Variants in CHD7 observed in about 807,000 individuals in gnomAD.
CHD7 encodes ATP-dependent chromatin remodeler CHD7.
In CHD7, 24 loss-of-function variants were observed where a neutral mutation model predicts 307.3. The ratio of observed to expected loss-of-function variants is 0.08; its 90% confidence interval spans 0.06 to 0.11. The LOEUF is 0.11. Ranked by LOEUF, CHD7 falls within the 10% of genes least tolerant of loss-of-function variation. CHD7 has a pLI of 1.00. For missense variants in CHD7, 3,106 were observed against 3,727.1 expected (o/e 0.83, Z 4.34); for synonymous variants, 1,363 against 1,349.9 (o/e 1.01, Z -0.21).
intron 1 of CHD7, among the ~76,000 whole-genome samples, chr8:60,688,075 G>A (rs142149602): frequency 1.3e-5 from 2 of 152,316 alleles, no homozygotes; most frequent in Non-Finnish European, 2.9e-5. Context: ...GGGGCCATAT[G>A]TCATGGGATG....
At chr8:60,748,033 G>A (rs1325151420) in intron 2 of CHD7, among the ~76,000 whole-genome samples, 1 of 152,136 alleles carries the variant, frequency 6.6e-6, no homozygotes, top group Non-Finnish European at 1.5e-5. Context: ...TTACATCCTT[G>A]GTTTTAGTGA....
At chr8:60,730,348 A>G (rs907642618) in intron 1 of CHD7, among the ~76,000 whole-genome samples, 2 of 152,210 alleles carry the variant, frequency 1.3e-5, no homozygotes, top group Non-Finnish European at 2.9e-5. Flanking sequence ...GTCTTTTATC[A>G]TATGCTAATA....
chr8:60,830,699 G>A, intron 15 of CHD7, 122 bp downstream of exon 15: 1 of 1,113,494 alleles, frequency 9.0e-7, no homozygotes, highest in South Asian at 1.6e-5. Flanking sequence ...CACTCAGCAT[G>A]GGTTTCACCA....
intron 2 of CHD7, among the ~76,000 whole-genome samples, chr8:60,777,022 C>T (rs1810985002): frequency 6.6e-6 from 1 of 152,146 alleles, no homozygotes; most frequent in Middle Eastern, 3.2e-3. Flanking sequence ...TTACTTGGGA[C>T]TTAATTGGCC....
At chr8:60,791,318 C>T (rs1286317776) in intron 3 of CHD7, among the ~76,000 whole-genome samples, 1 of 152,214 alleles carries the variant, frequency 6.6e-6, no homozygotes, top group Non-Finnish European at 1.5e-5. Flanking sequence ...AGTTATTCTT[C>T]CAACTCACAG....
chr8:60,746,300 A>G (rs914983707), intron 2 of CHD7, among the ~76,000 whole-genome samples: 11 of 152,280 alleles, frequency 7.2e-5, no homozygotes, highest in Admixed American at 2.0e-4. Flanking sequence ...TGAAATAACT[A>G]AATTTGATTT....
chr8:60,816,113 G>GTCTGTCTGTCTGTC (rs58405811), intron 7 of CHD7, among the ~76,000 whole-genome samples: 353 of 139,300 alleles, frequency 2.5e-3, no homozygotes, highest in African/African-American at 9.3e-3. Context: ...CTGTCTGTCT[G>GTCTGTCTGTCTGTC]TCTCTCTCTC....
At chr8:60,800,672 C>T (rs3890803) in intron 5 of CHD7, 147 bp downstream of exon 5, 11 of 730,286 alleles carry the variant, frequency 1.5e-5, no homozygotes, top group East Asian at 5.8e-5. Context: ...ATGGGAAATT[C>T]GTTGTTTAGC....
chr8:60,748,936 A>G (rs961861369), intron 2 of CHD7, among the ~76,000 whole-genome samples: 3 of 151,914 alleles, frequency 2.0e-5, no homozygotes, highest in African/African-American at 7.3e-5. Context: ...TTTTCCCTTG[A>G]GATTAAAAAA....
At chr8:60,845,524 A>C in intron 23 of CHD7, 115 bp downstream of exon 23, 3 of 1,160,400 alleles carry the variant, frequency 2.6e-6, no homozygotes, top group Non-Finnish European at 3.7e-6. Flanking sequence ...TGGAGGGTCA[A>C]CTGAGGGACC....
chr8:60,701,329 G>A (rs2150507707), intron 1 of CHD7, among the ~76,000 whole-genome samples: 1 of 152,346 alleles, frequency 6.6e-6, no homozygotes, highest in South Asian at 2.1e-4. Flanking sequence ...TTTGTGGAAA[G>A]TCTTATAATC....
At chr8:60,813,018 T>A (rs777792840) in intron 7 of CHD7, among the ~76,000 whole-genome samples, 16 of 152,324 alleles carry the variant, frequency 1.1e-4, no homozygotes, top group Middle Eastern at 3.4e-3. Flanking sequence ...AAATGTATGA[T>A]GTTGAGTTAC....
intron 3 of CHD7, among the ~76,000 whole-genome samples, chr8:60,790,346 C>T (rs1179822657): frequency 6.6e-6 from 1 of 152,068 alleles, no homozygotes; most frequent in Non-Finnish European, 1.5e-5. Context: ...GGAGGGATGG[C>T]CTGCTTTTTG....
Position 60,800,500 on chromosome 8 carries a change from C to T in CHD7, c.2351C>T (p.Ser784Phe), listed in dbSNP as rs1385417835. The change falls in exon 5 of 38, where the codon TCC becomes TTC. Residue 784 changes from serine (S) to phenylalanine (F), a missense_variant. Transcript: ENST00000423902. ...GATGCTGCTGGGAGGGATTCCCCCT[C>T]CAACACCTCCCAGTCAGAACAGCAG... is the stretch of plus-strand genomic sequence containing the variant. ...DADAAGRDSPSNTSQSEQQES... is the reference protein window; with the variant it reads ...DADAAGRDSPFNTSQSEQQES... 1 of 1,613,718 alleles carries T rather than the reference C, an allele frequency of 6.2e-7. No homozygotes were observed. The highest frequency in any genetic ancestry group is 1.7e-5 in the Admixed American group (1 of 60,016).
At chr8:60,697,766 GA>G (rs1806556768) in intron 1 of CHD7, among the ~76,000 whole-genome samples, 1 of 152,222 alleles carries the variant, frequency 6.6e-6, no homozygotes, top group Admixed American at 6.5e-5. Context: ...GAATGCATCT[GA>G]AATTGGAACT....
At position 60,860,272 on chromosome 8, in the gene CHD7, G is replaced by A. The variant is rs577853246; in HGVS notation, c.7609-632G>A. ...TCCGGGGATCTCCAAGAGAGACTGA[G>A]AGGCCGCCTTTCATGCATATCAGCT... On this transcript the variant is annotated intron_variant, in intron 34 of 37. Coordinates refer to ENST00000423902, the MANE Select transcript of CHD7 (RefSeq NM_017780.4). Among the ~76,000 whole-genome samples, 5 of 152,264 alleles carry A rather than the reference G, an allele frequency of 3.3e-5. No individual in the cohort carries two copies. The South Asian group carries it at 8.3e-4, about 25-fold the overall frequency.
At chr8:60,788,100 G>T (rs184801140) in intron 3 of CHD7, among the ~76,000 whole-genome samples, 3 of 151,638 alleles carry the variant, frequency 2.0e-5, no homozygotes, top group East Asian at 1.9e-4. Flanking sequence ...GGGATTACAG[G>T]TGTGATCACT....
At chr8:60,842,162 C>T (rs1245093246) in intron 21 of CHD7, 110 bp downstream of exon 21, 4 of 866,958 alleles carry the variant, frequency 4.6e-6, no homozygotes, top group East Asian at 5.3e-5. Context: ...CACCCCTTTG[C>T]ACAGTCAAAT....
chr8:60,680,078 C>G (rs1182310988), intron 1 of CHD7, among the ~76,000 whole-genome samples: 1 of 151,180 alleles, frequency 6.6e-6, no homozygotes, highest in Non-Finnish European at 1.5e-5. Flanking sequence ...GCGACTTTAA[C>G]CTTCCAACGC....
Sources: allele counts gnomAD v4.1 joint callset (sites outside exome capture counted in the v4.1 genomes callset), GRCh38; gene constraint gnomAD v4.1.1; transcripts MANE v1.5; gene names NCBI Gene and HGNC (gene_info 2026-07-23, HGNC 2026-07-21).